The following ADAMTS3 variants were observed in gnomAD, a reference collection of about 807,000 sequenced individuals.
ADAMTS3 encodes the protein ADAM metallopeptidase with thrombospondin type 1 motif 3, also known as A disintegrin and metalloproteinase with thrombospondin motifs 3.
ADAMTS3 carries 73 observed loss-of-function variants against 129.0 expected under a neutral mutation model. The observed-to-expected ratio is 0.57, with a 90% CI of 0.47 to 0.69. The LOEUF (loss-of-function observed/expected upper bound fraction) is 0.69. ADAMTS3 is among the 30% of genes least tolerant of loss of function. The probability of loss-of-function intolerance (pLI) is 0.00; values close to 1 mark genes in which losing one functional copy is unlikely to be tolerated. For synonymous variants in ADAMTS3, 477 were observed against 510.8 expected (o/e 0.93, Z 0.89); for missense variants, 1,457 against 1,514.5 (o/e 0.96, Z 0.63).
At chr4:72,339,098 G>A (rs1193895174) in intron 5 of ADAMTS3, among the ~76,000 whole-genome samples, 1 of 152,164 alleles carries the variant, frequency 6.6e-6, no homozygotes, top group African/African-American at 2.4e-5. Flanking sequence ...ATATCATCCT[G>A]TGAAGCAGAG....
At chr4:72,423,965 T>G (rs1310138115) in intron 3 of ADAMTS3, among the ~76,000 whole-genome samples, 1 of 152,114 alleles carries the variant, frequency 6.6e-6, no homozygotes, top group African/African-American at 2.4e-5. Flanking sequence ...AATTTTTATC[T>G]CTTTTGAACT....
intron 15 of ADAMTS3, 31 bp from the exon 16 acceptor site, chr4:72,306,098 C>T (rs1235635114): frequency 6.5e-7 from 1 of 1,542,934 alleles, no homozygotes; most frequent in East Asian, 2.3e-5. Flanking sequence ...TTGTAGGAAG[C>T]AAAGAAGAAA....
chr4:72,529,651 AAT>A (rs1050230179), intron 3 of ADAMTS3, among the ~76,000 whole-genome samples: 76 of 130,340 alleles, frequency 5.8e-4, no homozygotes, highest in African/African-American at 1.0e-3. Context: ...AATACATTAT[AAT>A]ATATATATAA....
chr4:72,390,922 T>C (rs940544927), intron 4 of ADAMTS3, among the ~76,000 whole-genome samples: 3 of 151,992 alleles, frequency 2.0e-5, no homozygotes, highest in Non-Finnish European at 2.9e-5. Context: ...GGCTAAACTT[T>C]TTTTTTAAAG....
At chr4:72,343,279 C>A (rs1720187912) in intron 4 of ADAMTS3, among the ~76,000 whole-genome samples, 1 of 152,118 alleles carries the variant, frequency 6.6e-6, no homozygotes, top group Non-Finnish European at 1.5e-5. Context: ...GTTGGACATG[C>A]CTAGCCCCCA....
At chr4:72,568,510 T>C (rs1722079869) in intron 1 of ADAMTS3, among the ~76,000 whole-genome samples, 184 bp downstream of exon 1, 1 of 151,832 alleles carries the variant, frequency 6.6e-6, no homozygotes, top group Admixed American at 6.6e-5. Flanking sequence ...CCCGTGCAAC[T>C]CAACCCTCTA....
chr4:72,540,130 T>C lies in ADAMTS3; in HGVS notation c.504+8348A>G, dbSNP rs188663102. On this transcript the variant is annotated intron_variant, in intron 3 of 21. Transcript: ENST00000286657. ...ACTTCCTAGAGACTTGTTGAATGGT[T>C]TTGACCAAAATGCTGATAATGATAT... Among the ~76,000 whole-genome samples, 7 of 152,274 alleles carry C rather than the reference T, an allele frequency of 4.6e-5. No homozygotes were observed. In the East Asian group the frequency reaches 7.7e-4, roughly 17 times the overall value.
At chr4:72,405,824 T>C (rs1397671068) in intron 4 of ADAMTS3, among the ~76,000 whole-genome samples, 1 of 152,112 alleles carries the variant, frequency 6.6e-6, no homozygotes, top group African/African-American at 2.4e-5. Context: ...AGGATTAAAA[T>C]ACAGGATTTT....
intron 3 of ADAMTS3, among the ~76,000 whole-genome samples, chr4:72,458,554 T>C (rs1284990461): frequency 1.3e-5 from 2 of 151,550 alleles, no homozygotes; most frequent in Non-Finnish European, 3.0e-5. Context: ...TTTTAAAACT[T>C]TCTTAGGGTC....
At chr4:72,362,185 G>A (rs1360241621) in intron 4 of ADAMTS3, among the ~76,000 whole-genome samples, 1 of 152,104 alleles carries the variant, frequency 6.6e-6, no homozygotes. Context: ...TCCATGACGG[G>A]AGGGTAGGTG....
rs141374503 is a variant in ADAMTS3 at position 72,313,728 on chromosome 4, C to T, written c.1694G>A (p.Arg565Gln). Reference protein sequence around the residue: ...GSWTKFGSCSRTCGTGVRFRT... With the variant: ...GSWTKFGSCSQTCGTGVRFRT... ...GAAACGAACACCAGTTCCACATGTC[C>T]GAGAACAGGAGCCAAATTTAGTCCA... Residue 565 changes from arginine (R) to glutamine (Q), a missense_variant, in exon 12 of 22, where the codon CGG becomes CAG. Arg to Gln is a conservative substitution (Grantham distance 43). Transcript: ENST00000286657. 3.1e-3 allele frequency: 4,940 copies of T among 1,613,724 alleles called. 11 individuals are homozygous for T. Among genetic ancestry groups the T allele is most frequent in the Admixed American group, 4.3e-3 (259 of 59,964 alleles).
chr4:72,506,723 A>G (rs999706423), intron 3 of ADAMTS3, among the ~76,000 whole-genome samples: 2 of 152,176 alleles, frequency 1.3e-5, no homozygotes, highest in East Asian at 3.9e-4. Context: ...TCACATACCC[A>G]GTGGAAAAGT....
intron 10 of ADAMTS3, among the ~76,000 whole-genome samples, chr4:72,317,959 G>A (rs1459817877): frequency 6.6e-6 from 1 of 151,928 alleles, no homozygotes; most frequent in African/African-American, 2.4e-5. Context: ...AACTCAGGAG[G>A]CGGAGGTTGC....
chr4:72,428,714 AT>A (rs1333520037), intron 3 of ADAMTS3, among the ~76,000 whole-genome samples: 1 of 152,030 alleles, frequency 6.6e-6, no homozygotes, highest in Non-Finnish European at 1.5e-5. Context: ...GTGAAAAGTC[AT>A]TTAAACTCTC....
At chr4:72,567,682 T>A (rs6814004) in intron 1 of ADAMTS3, among the ~76,000 whole-genome samples, 146,363 of 152,270 alleles carry the variant, frequency 0.96, 70,611 homozygotes, top group East Asian at 1. Flanking sequence ...TCTTCTGAAA[T>A]GTCGTACTGG....
At chr4:72,425,747 G>C (rs1722556196) in intron 3 of ADAMTS3, among the ~76,000 whole-genome samples, 1 of 151,370 alleles carries the variant, frequency 6.6e-6, no homozygotes, top group Non-Finnish European at 1.5e-5. Context: ...TGGACATTTG[G>C]GTTGGTTCCA....
At chr4:72,533,250 C>T (rs924669475) in intron 3 of ADAMTS3, among the ~76,000 whole-genome samples, 6 of 152,084 alleles carry the variant, frequency 3.9e-5, no homozygotes, top group African/African-American at 1.2e-4. Context: ...AATGAAGACA[C>T]GAACATACAC....
chr4:72,397,192 T>C (rs1233881069), intron 4 of ADAMTS3, among the ~76,000 whole-genome samples: 6 of 152,210 alleles, frequency 3.9e-5, no homozygotes, highest in Non-Finnish European at 8.8e-5. Context: ...ACATAACTTC[T>C]GTGAGTATAT....
chr4:72,550,114 A>AGAAGAAGAAGAAGAAGAGGAG (rs142207113), intron 2 of ADAMTS3, among the ~76,000 whole-genome samples: 2 of 96,592 alleles, frequency 2.1e-5, no homozygotes, highest in African/African-American at 7.0e-5. Flanking sequence ...AAGAAGAAGA[A>AGAAGAAGAAGAAGAAGAGGAG]GAAGGCATAG....
Sources: gnomAD v4.1 joint callset for allele counts (sites outside exome capture counted in the v4.1 genomes callset) on GRCh38, gnomAD v4.1.1 for gene constraint, MANE v1.5 for transcripts, NCBI Gene and HGNC (gene_info 2026-07-23, HGNC 2026-07-21) for gene names.